TSNARE1: variants seen among roughly 807,000 people sequenced by gnomAD.
The protein encoded by TSNARE1 is t-SNARE domain-containing protein 1.
Under a neutral mutation model 62.0 loss-of-function variants are expected in TSNARE1, and 49 were observed. The ratio of observed to expected loss-of-function variants is 0.79; its 90% confidence interval spans 0.63 to 1.00. The LOEUF is 1.00. Among genes scored for constraint, TSNARE1 ranks in the 50% least tolerant of loss-of-function variants. The probability of loss-of-function intolerance (pLI) is 0.00; values close to 1 mark genes in which losing one functional copy is unlikely to be tolerated. For synonymous variants in TSNARE1, 328 were observed against 294.4 expected (o/e 1.11, Z -1.17); for missense variants, 755 against 700.1 (o/e 1.08, Z -0.88).
intron 6 of TSNARE1, among the ~76,000 whole-genome samples, chr8:142,329,422 T>C (rs1315528770): frequency 6.6e-6 from 1 of 152,226 alleles, no homozygotes; most frequent in Non-Finnish European, 1.5e-5. Context: ...GATGCGCACA[T>C]GAGGGCCAGG....
At chr8:142,322,809 G>A (rs961161723) in intron 6 of TSNARE1, among the ~76,000 whole-genome samples, 2 of 151,940 alleles carry the variant, frequency 1.3e-5, no homozygotes, top group African/African-American at 2.4e-5. Flanking sequence ...GCCTTACCGT[G>A]TCTGTGGGTT....
In TSNARE1 at chr8:142,217,359, GA is replaced by G. The variant is rs1463026773; in HGVS notation, c.*12-5047del. Among the ~76,000 whole-genome samples the G allele has an allele frequency of 3.4e-3, 411 of 120,606 alleles. 6 individuals are homozygous for G. Among genetic ancestry groups the G allele is most frequent in the East Asian group, 0.013 (44 of 3,316 alleles). The allele number at this position is 120,606 out of a possible 152,430, so 79.1% of individuals were successfully genotyped here. On this transcript the variant is annotated intron_variant, in intron 13 of 13. Coordinates refer to ENST00000524325, the MANE Select transcript of TSNARE1 (RefSeq NM_145003.5). ...AGAAAGAAAGAAAGAAAGAAAGAAA[GA>G]AAGAAAGAAAGAAAAAAGGGAAAGA...
intron 13 of TSNARE1, among the ~76,000 whole-genome samples, chr8:142,227,020 C>CAGTGACAGCCAGGA (rs1816827268): frequency 2.0e-5 from 2 of 101,894 alleles, no homozygotes. Flanking sequence ...GACAGCCAAG[C>CAGTGACAGCCAGGA]CCCCCACTGC....
intron 12 of TSNARE1, among the ~76,000 whole-genome samples, chr8:142,233,692 C>T (rs1198915697): frequency 6.6e-6 from 1 of 152,210 alleles, no homozygotes; most frequent in African/African-American, 2.4e-5. Context: ...TTGCCCCCAG[C>T]GGGAACCAGT....
intron 1 of TSNARE1, 38 bp from the exon 2 acceptor site, chr8:142,354,801 G>T: frequency 8.1e-7 from 1 of 1,240,544 alleles, no homozygotes; most frequent in Non-Finnish European, 1.2e-6. Flanking sequence ...AGAGGGGGAA[G>T]ACATGGGGAT....
rs561931035 is a variant in TSNARE1 at position 142,301,855 on chromosome 8, C to T, written c.1132-1211G>A. Reference sequence around the variant, plus strand: ...AACAGCCGAGGACACTGAGGCAGAGCGAGGTGGGGCTGGCACCATGCTAAA... The same window carrying T: ...AACAGCCGAGGACACTGAGGCAGAGTGAGGTGGGGCTGGCACCATGCTAAA... On this transcript the variant is annotated intron_variant, in intron 9 of 13. Coordinates refer to ENST00000524325, the MANE Select transcript of TSNARE1 (RefSeq NM_145003.5). Among the ~76,000 whole-genome samples, 10 of 152,304 alleles carry T rather than the reference C, an allele frequency of 6.6e-5. No individual in the cohort carries two copies. In the South Asian group the frequency reaches 1.7e-3, roughly 25 times the overall value.
chr8:142,219,951 G>A (rs2129897439), intron 13 of TSNARE1, among the ~76,000 whole-genome samples: 1 of 152,382 alleles, frequency 6.6e-6, no homozygotes, highest in East Asian at 1.9e-4. Flanking sequence ...AGGTGAGGAA[G>A]AGACGGAGGG....
intron 11 of TSNARE1, among the ~76,000 whole-genome samples, chr8:142,279,285 A>T (rs1821006468): frequency 6.6e-6 from 1 of 152,248 alleles, no homozygotes; most frequent in Non-Finnish European, 1.5e-5. Context: ...GAGGAAGGCC[A>T]GGCCGGGACC....
At chr8:142,227,343 C>T (rs531176255) in intron 13 of TSNARE1, among the ~76,000 whole-genome samples, 1 of 112,714 alleles carries the variant, frequency 8.9e-6, no homozygotes, top group African/African-American at 6.8e-5. Context: ...CCAGGACCCC[C>T]ATCCTGCCCA....
intron 4 of TSNARE1, among the ~76,000 whole-genome samples, chr8:142,335,113 C>G (rs1216947164): frequency 6.6e-6 from 1 of 152,156 alleles, no homozygotes; most frequent in Non-Finnish European, 1.5e-5. Flanking sequence ...GACGTGTGGT[C>G]CTGAATGTAC....
Position 142,319,011 on chromosome 8 carries a change from G to A in TSNARE1, c.894-377C>T, listed in dbSNP as rs921760077. 3.3e-5 allele frequency among the ~76,000 whole-genome samples: 5 copies of A among 150,336 alleles called. No homozygotes were observed. Among genetic ancestry groups the A allele is most frequent in the Admixed American group, 2.0e-4 (3 of 15,112 alleles). On this transcript the variant is annotated intron_variant, in intron 6 of 13. Coordinates refer to ENST00000524325, the MANE Select transcript of TSNARE1 (RefSeq NM_145003.5). This position sits in a 1 kb window ranked among gnomAD's most constrained non-coding sequence, Gnocchi z 4.9. ...ACACCCAGCAAGAGACGGGGGAGACGGGCAGACACACAGCAAGAGGCAGTG... is the reference window on the plus strand; with the variant it reads ...ACACCCAGCAAGAGACGGGGGAGACAGGCAGACACACAGCAAGAGGCAGTG...
chr8:142,222,540 TCATTCAC>T (rs1816390110), intron 13 of TSNARE1, among the ~76,000 whole-genome samples: 1 of 42,434 alleles, frequency 2.4e-5, no homozygotes, highest in Non-Finnish European at 4.5e-5. Flanking sequence ...ACTCACTCAC[TCATTCAC>T]TCACTCACTC....
intron 11 of TSNARE1, chr8:142,276,771 A>C: frequency 1.0e-6 from 1 of 985,358 alleles, no homozygotes; most frequent in Non-Finnish European, 1.2e-6. Flanking sequence ...ATGGGGACTG[A>C]TGTCCTGCTG....
At chr8:142,272,003 C>G (rs1030113323) in intron 12 of TSNARE1, among the ~76,000 whole-genome samples, 1 of 152,046 alleles carries the variant, frequency 6.6e-6, no homozygotes, top group Admixed American at 6.5e-5. Flanking sequence ...GCTCCATCCG[C>G]TCGTCCGCCT....
At chr8:142,388,866 G>C (rs578147200) in intron 1 of TSNARE1, among the ~76,000 whole-genome samples, 1 of 152,266 alleles carries the variant, frequency 6.6e-6, no homozygotes, top group African/African-American at 2.4e-5. Context: ...ATGAGCCACT[G>C]TGCCTGGCCC....
chr8:142,277,291 G>A (rs1428736576), intron 11 of TSNARE1: 1 of 985,296 alleles, frequency 1.0e-6, no homozygotes, highest in Admixed American at 6.1e-5. Context: ...AGAGAGAGCA[G>A]CCTTTGGGAC....
At chr8:142,248,863 G>C (rs950099836) in intron 12 of TSNARE1, among the ~76,000 whole-genome samples, 2 of 152,214 alleles carry the variant, frequency 1.3e-5, no homozygotes, top group African/African-American at 4.8e-5. Flanking sequence ...GATGGTTCTC[G>C]GGAGCAGGGG....
At chr8:142,326,727 G>C (rs1830336393) in intron 6 of TSNARE1, among the ~76,000 whole-genome samples, 1 of 152,224 alleles carries the variant, frequency 6.6e-6, no homozygotes, top group South Asian at 2.1e-4. Context: ...GGAGAGCATG[G>C]GCTGCACAGC....
intron 1 of TSNARE1, among the ~76,000 whole-genome samples, chr8:142,385,550 G>A (rs1837056685): frequency 6.6e-6 from 1 of 152,114 alleles, no homozygotes; most frequent in African/African-American, 2.4e-5. Flanking sequence ...CACCTGGGAG[G>A]GGAATACGAC....
Sources: allele counts gnomAD v4.1 joint callset (sites outside exome capture counted in the v4.1 genomes callset), GRCh38; gene constraint gnomAD v4.1.1; non-coding constraint Gnocchi (gnomAD v3.1); transcripts MANE v1.5; gene names NCBI Gene and HGNC (gene_info 2026-07-23, HGNC 2026-07-21).